The following FSHR variants were observed in gnomAD, a reference collection of about 807,000 sequenced individuals.
The protein encoded by FSHR is follicle-stimulating hormone receptor.
A neutral mutation model predicts 52.1 loss-of-function variants in FSHR; 46 were observed. The observed-to-expected ratio is 0.88, with a 90% CI of 0.70 to 1.13. The LOEUF (loss-of-function observed/expected upper bound fraction) is 1.13. Ranked by LOEUF, FSHR falls within the 50% of genes most tolerant of loss-of-function variation. The pLI is 0.00. For missense variants in FSHR, 964 were observed against 834.6 expected (o/e 1.16, Z -1.91); for synonymous variants, 399 against 309.6 (o/e 1.29, Z -3.03).
intron 2 of FSHR, among the ~76,000 whole-genome samples, chr2:49,066,764 C>T (rs150914282): frequency 1.3e-5 from 2 of 152,082 alleles, no homozygotes; most frequent in African/African-American, 2.4e-5. Context: ...TTCACACTTG[C>T]TGGATTAAAC....
At chr2:49,094,108 A>C (rs956371073) in intron 1 of FSHR, among the ~76,000 whole-genome samples, 1 of 152,030 alleles carries the variant, frequency 6.6e-6, no homozygotes, top group Non-Finnish European at 1.5e-5. Context: ...ATTTAAATAT[A>C]TTTCTCTCAA....
rs367688436 is a variant in FSHR, at chr2:48,990,906, T to C, written c.375-269A>G. Among the ~76,000 whole-genome samples the C allele has an allele frequency of 6.1e-5, 9 of 147,966 alleles. 1 individual carries two copies. Among genetic ancestry groups the C allele is most frequent in the Non-Finnish European group, 9.0e-5 (6 of 66,482 alleles). Reference sequence around the variant, plus strand: ...ACAGTATACATTAAAAAAAAAACGATTGATAAGTTAATGTGACCCTAAAGC... The same window carrying C: ...ACAGTATACATTAAAAAAAAAACGACTGATAAGTTAATGTGACCCTAAAGC... On this transcript the variant is annotated intron_variant, in intron 4 of 9. Coordinates refer to ENST00000406846, the MANE Select transcript of FSHR (RefSeq NM_000145.4).
At chr2:49,000,819 C>G (rs185949119) in intron 4 of FSHR, among the ~76,000 whole-genome samples, 1 of 152,148 alleles carries the variant, frequency 6.6e-6, no homozygotes, top group East Asian at 1.9e-4. Flanking sequence ...TGACCAGTGT[C>G]TGAATTTGAG....
chr2:49,102,596 C>A (rs995046305), intron 1 of FSHR, among the ~76,000 whole-genome samples: 1 of 152,108 alleles, frequency 6.6e-6, no homozygotes, highest in Non-Finnish European at 1.5e-5. Flanking sequence ...ATGATGTGCT[C>A]TGAAAGTGAG....
intron 8 of FSHR, among the ~76,000 whole-genome samples, chr2:48,979,650 C>T (rs1675154303): frequency 1.3e-5 from 2 of 152,282 alleles, no homozygotes; most frequent in East Asian, 1.9e-4. Context: ...TTCAGTACAA[C>T]TTTGAAGGAC....
intron 1 of FSHR, among the ~76,000 whole-genome samples, chr2:49,105,077 G>A (rs976273701): frequency 6.6e-6 from 1 of 152,146 alleles, no homozygotes. Flanking sequence ...TCTGGACAGG[G>A]TGAGGGCAGG....
In FSHR at chr2:49,020,081, C is replaced by A. The variant is rs1297895496; in HGVS notation, c.299+5G>T. ...ATGAGCAAATCCCCCAATCTTCTTG[C>A]TTACATTTCATGTAATTTGGGAAGG... On this transcript the variant is annotated splice_donor_5th_base_variant and intron_variant, in intron 3 of 9. Coordinates refer to ENST00000406846, the MANE Select transcript of FSHR (RefSeq NM_000145.4). The A allele has an allele frequency of 1.2e-6, 2 of 1,610,844 alleles. No homozygotes were observed. The highest frequency in any genetic ancestry group is 1.1e-5 in the South Asian group (1 of 91,016).
intron 1 of FSHR, among the ~76,000 whole-genome samples, chr2:49,118,844 C>T (rs918601940): frequency 3.3e-5 from 5 of 152,182 alleles, no homozygotes; most frequent in South Asian, 2.1e-4. Context: ...AATATTCCAC[C>T]CCTTGGTTTT....
chr2:49,111,589 A>C (rs556815859), intron 1 of FSHR, among the ~76,000 whole-genome samples: 1 of 152,252 alleles, frequency 6.6e-6, no homozygotes, highest in African/African-American at 2.4e-5. Context: ...TTTTGTCTGA[A>C]CAGTCTGCAC....
At chr2:49,115,989 C>A (rs191924165) in intron 1 of FSHR, among the ~76,000 whole-genome samples, 1 of 152,024 alleles carries the variant, frequency 6.6e-6, no homozygotes, top group African/African-American at 2.4e-5. Context: ...CCTAATCCTG[C>A]GTTTGATTCA....
intron 3 of FSHR, among the ~76,000 whole-genome samples, chr2:49,019,014 C>T (rs184282475): frequency 5.3e-5 from 8 of 152,328 alleles, no homozygotes; most frequent in African/African-American, 1.9e-4. Context: ...AGCCTTACAA[C>T]TTCTCTGTGC....
At chr2:49,131,579 C>G (rs1672279369) in intron 1 of FSHR, among the ~76,000 whole-genome samples, 2 of 152,152 alleles carry the variant, frequency 1.3e-5, no homozygotes, top group African/African-American at 4.8e-5. Context: ...TTGTTTCTTT[C>G]TACCTAAACC....
intron 1 of FSHR, among the ~76,000 whole-genome samples, chr2:49,116,066 G>A (rs996487613): frequency 2.6e-5 from 4 of 152,162 alleles, no homozygotes; most frequent in African/African-American, 4.8e-5. Flanking sequence ...AAACCTGCAA[G>A]TAAGCAAGAT....
intron 6 of FSHR, among the ~76,000 whole-genome samples, chr2:48,986,934 T>A (rs944579909): frequency 2.6e-5 from 4 of 152,208 alleles, no homozygotes; most frequent in Non-Finnish European, 5.9e-5. Context: ...TCCCACTTAA[T>A]TATATATTTT....
chr2:49,083,235 CA>C (rs1670246361), intron 1 of FSHR, among the ~76,000 whole-genome samples: 1 of 148,148 alleles, frequency 6.8e-6, no homozygotes, highest in Non-Finnish European at 1.5e-5. Context: ...ATTTCATATC[CA>C]GCCAAACTAA....
chr2:49,064,400 G>A (rs1427677625), intron 2 of FSHR, among the ~76,000 whole-genome samples: 4 of 152,052 alleles, frequency 2.6e-5, no homozygotes, highest in Non-Finnish European at 5.9e-5. Context: ...GGGCTTTTGG[G>A]AGTGGGTTCT....
chr2:49,085,754 C>T (rs1350074152), intron 1 of FSHR, among the ~76,000 whole-genome samples: 2 of 152,128 alleles, frequency 1.3e-5, no homozygotes, highest in African/African-American at 4.8e-5. Context: ...GAAAATGTGG[C>T]ACATATACAC....
rs751159089 is a variant in FSHR, at chr2:48,983,298, T to C, written c.525-132A>G. On this transcript the variant is annotated intron_variant, in intron 6 of 9. Coordinates refer to ENST00000406846, the MANE Select transcript of FSHR (RefSeq NM_000145.4). The stretch of plus-strand genomic sequence containing the variant: ...TAAAGAAAATGCCACTTTTAAAGCT[T>C]GGGGACACGGGTGGGAGGAAGACTG... 522 of 771,234 alleles carry C rather than the reference T, an allele frequency of 6.8e-4. 4 individuals are homozygous for C. The highest frequency in any genetic ancestry group is 6.8e-4 in the Admixed American group (34 of 49,844). The allele number at this position is 771,234 out of a possible 1,614,324, so 47.8% of individuals were successfully genotyped here.
At chr2:49,149,100 A>G (rs140289727) in intron 1 of FSHR, among the ~76,000 whole-genome samples, 2 of 152,174 alleles carry the variant, frequency 1.3e-5, no homozygotes, top group East Asian at 3.9e-4. Flanking sequence ...CAGAAATATG[A>G]AAGGAACTTG....
Sources: allele counts gnomAD v4.1 joint callset (sites outside exome capture counted in the v4.1 genomes callset), GRCh38; gene constraint gnomAD v4.1.1; transcripts MANE v1.5; gene names NCBI Gene and HGNC (gene_info 2026-07-23, HGNC 2026-07-21).